DLGAP2: variants seen among roughly 807,000 people sequenced by gnomAD.
DLGAP2 encodes disks large-associated protein 2.
A neutral mutation model predicts 100.3 loss-of-function variants in DLGAP2; 26 were observed. The observed-to-expected ratio is 0.26, with a 90% CI of 0.19 to 0.36. The LOEUF is 0.36. Ranked by LOEUF, DLGAP2 falls within the 10% of genes least tolerant of loss-of-function variation. The probability of loss-of-function intolerance (pLI) is 1.00; values close to 1 mark genes in which losing one functional copy is unlikely to be tolerated. For synonymous variants in DLGAP2, 886 were observed against 630.1 expected, an observed-to-expected ratio of 1.41 and a Z score of -6.08; for missense variants, 1,858 against 1,453.2, an observed-to-expected ratio of 1.28 and a Z score of -4.53.
intron 8 of DLGAP2, among the ~76,000 whole-genome samples, chr8:1,659,299 G>C (rs985123288): frequency 7.9e-6 from 1 of 126,522 alleles, no homozygotes; most frequent in Admixed American, 7.7e-5. Context: ...ATGTGGTGCT[G>C]AGAAGAATGG....
chr8:1,139,896 G>C (rs1796492092), intron 2 of DLGAP2, among the ~76,000 whole-genome samples: 1 of 152,144 alleles, frequency 6.6e-6, no homozygotes, highest in African/African-American at 2.4e-5. Flanking sequence ...GAAATCGGGG[G>C]GAAGTGAGGG....
chr8:1,428,024 T>A (rs182172962), intron 3 of DLGAP2, among the ~76,000 whole-genome samples: 2 of 152,184 alleles, frequency 1.3e-5, no homozygotes. Context: ...TACATGTATT[T>A]ATTGGAAAAT....
chr8:1,203,429 C>T (rs938136846), intron 2 of DLGAP2, among the ~76,000 whole-genome samples: 3 of 151,804 alleles, frequency 2.0e-5, no homozygotes, highest in Middle Eastern at 3.2e-3. Flanking sequence ...AGACTGATGA[C>T]CCTGAGAGTT....
chr8:1,310,224 C>G (rs1800583734), intron 3 of DLGAP2, among the ~76,000 whole-genome samples: 1 of 151,930 alleles, frequency 6.6e-6, no homozygotes, highest in Admixed American at 6.6e-5. Context: ...AAACAGTTAA[C>G]TCCAAAAAAA....
chr8:1,701,520 C>CG lies in DLGAP2; in HGVS notation c.*115dup. 8.7e-7 allele frequency: 1 copy of CG among 1,142,942 alleles called. No individual in the cohort carries two copies. Among genetic ancestry groups the CG allele is most frequent in the East Asian group, 2.6e-5 (1 of 38,094 alleles). The allele number at this position is 1,142,942 out of a possible 1,614,324, so 70.8% of individuals were successfully genotyped here. On this transcript the variant is annotated 3_prime_UTR_variant, in exon 15 of 15. Coordinates refer to ENST00000637795, the MANE Select transcript of DLGAP2 (RefSeq NM_001346810.2). ...CTCCCGCTGAACACGTCCTCGCTCC[C>CG]GCGCTCCCCGCGCCCCGGACACAGC...
chr8:1,524,229 C>T (rs969874974), intron 4 of DLGAP2, among the ~76,000 whole-genome samples: 1 of 152,092 alleles, frequency 6.6e-6, no homozygotes, highest in Non-Finnish European at 1.5e-5. Flanking sequence ...TCTGAGAGGC[C>T]GGCAGGGAGG....
At chr8:1,456,315 C>T (rs534011351) in intron 3 of DLGAP2, among the ~76,000 whole-genome samples, 67 of 152,334 alleles carry the variant, frequency 4.4e-4, no homozygotes, top group African/African-American at 1.6e-3. Flanking sequence ...CCCAGGCTGC[C>T]ACCCTGTACG....
chr8:978,971 A>C (rs1000647981), intron 2 of DLGAP2, among the ~76,000 whole-genome samples: 14 of 152,308 alleles, frequency 9.2e-5, no homozygotes, highest in African/African-American at 3.4e-4. Context: ...GTAGATCAGC[A>C]AGATTGGTGA....
At chr8:1,567,660 A>G (rs1457699212) in intron 6 of DLGAP2, among the ~76,000 whole-genome samples, 2 of 152,106 alleles carry the variant, frequency 1.3e-5, no homozygotes, top group Non-Finnish European at 2.9e-5. Context: ...CACATCAGGG[A>G]CTGGCCCAGA....
chr8:1,363,531 C>A (rs1345101178), intron 3 of DLGAP2, among the ~76,000 whole-genome samples: 2 of 152,252 alleles, frequency 1.3e-5, no homozygotes, highest in African/African-American at 4.8e-5. Context: ...GCACGTTTCC[C>A]TGCAGGGATG....
intron 3 of DLGAP2, chr8:1,301,631 A>G (rs1800343268): frequency 6.6e-6 from 1 of 152,242 alleles, no homozygotes; most frequent in South Asian, 2.1e-4. Flanking sequence ...AGGGTAGAGG[A>G]TAAGGAAGGG....
intron 1 of DLGAP2, among the ~76,000 whole-genome samples, chr8:817,140 CAAA>C (rs35157533): frequency 1.1e-3 from 125 of 115,050 alleles, no homozygotes; most frequent in Middle Eastern, 4.3e-3. Flanking sequence ...GACTCCGTCT[CAAA>C]AAAAAAAAAA....
intron 3 of DLGAP2, among the ~76,000 whole-genome samples, chr8:1,279,463 T>C (rs897924532): frequency 6.6e-6 from 1 of 152,226 alleles, no homozygotes; most frequent in Non-Finnish European, 1.5e-5. Flanking sequence ...GAAATACATA[T>C]CCCAATTAAT....
chr8:965,996 G>A lies in DLGAP2; in HGVS notation c.73+58030G>A, dbSNP rs141827477. The stretch of plus-strand genomic sequence containing the variant: ...TCTCCTGGGCTGGAGCCAGTGTAGA[G>A]GACGGGGACTCTCAGCTCTGCCGTG... On this transcript the variant is annotated intron_variant, in intron 2 of 14. Coordinates refer to ENST00000637795, the MANE Select transcript of DLGAP2 (RefSeq NM_001346810.2). 8.7e-4 allele frequency among the ~76,000 whole-genome samples: 132 copies of A among 151,748 alleles called. 1 individual carries two copies. In the East Asian group the frequency reaches 0.022, roughly 25 times the overall value.
intron 5 of DLGAP2, among the ~76,000 whole-genome samples, chr8:1,550,010 A>C (rs188344737): frequency 6.6e-6 from 1 of 152,140 alleles, no homozygotes; most frequent in Non-Finnish European, 1.5e-5. Context: ...CCTTTGACCA[A>C]CATCTCCCAA....
intron 1 of DLGAP2, among the ~76,000 whole-genome samples, chr8:902,588 G>A (rs1247368404): frequency 1.1e-5 from 1 of 92,208 alleles, no homozygotes; most frequent in Non-Finnish European, 2.1e-5. Context: ...GAAGGAAGAA[G>A]AGGGCTGGTG....
intron 2 of DLGAP2, among the ~76,000 whole-genome samples, chr8:1,161,352 T>C (rs1475259716): frequency 6.6e-6 from 1 of 152,056 alleles, no homozygotes; most frequent in Non-Finnish European, 1.5e-5. Flanking sequence ...GGCTTAACGT[T>C]TTACAGGCAG....
chr8:1,374,048 A>G (rs969470274), intron 3 of DLGAP2, among the ~76,000 whole-genome samples: 1 of 151,586 alleles, frequency 6.6e-6, no homozygotes, highest in Non-Finnish European at 1.5e-5. Context: ...TGTGTGGTGG[A>G]GGTTAGGTTA....
intron 2 of DLGAP2, among the ~76,000 whole-genome samples, chr8:1,190,586 C>G (rs529432985): frequency 6.6e-6 from 1 of 152,160 alleles, no homozygotes; most frequent in Non-Finnish European, 1.5e-5. Flanking sequence ...AGCCGCCTGT[C>G]GCAATCAGCA....
Sources: gnomAD v4.1 joint callset for allele counts (sites outside exome capture counted in the v4.1 genomes callset) on GRCh38, gnomAD v4.1.1 for gene constraint, MANE v1.5 for transcripts, NCBI Gene and HGNC (gene_info 2026-07-23, HGNC 2026-07-21) for gene names.